The following AKNAD1 variants were observed in gnomAD, a reference collection of about 807,000 sequenced individuals.
AKNAD1 encodes the protein protein AKNAD1.
Under a neutral mutation model 90.8 loss-of-function variants are expected in AKNAD1, and 67 were observed. The ratio of observed to expected loss-of-function variants is 0.74; its 90% CI spans 0.61 to 0.90. The LOEUF (loss-of-function observed/expected upper bound fraction) is 0.90, where lower values mean the gene tolerates loss of function less well. Ranked by LOEUF, AKNAD1 falls within the 40% of genes least tolerant of loss-of-function variation. The probability of loss-of-function intolerance (pLI) is 0.00; values close to 1 mark genes in which losing one functional copy is unlikely to be tolerated. For synonymous variants in AKNAD1, 327 were observed against 341.4 expected (o/e 0.96, Z 0.46); for missense variants, 957 against 975.4 (o/e 0.98, Z 0.25).
intron 5 of AKNAD1, among the ~76,000 whole-genome samples, chr1:108,847,456 A>C (rs1471169935): frequency 1.3e-5 from 2 of 151,856 alleles, no homozygotes; most frequent in Non-Finnish European, 2.9e-5. Flanking sequence ...TCAAAAAAAA[A>C]AAAACAAAAA....
intron 6 of AKNAD1, among the ~76,000 whole-genome samples, chr1:108,841,637 T>C (rs972502678): frequency 6.6e-6 from 1 of 152,184 alleles, no homozygotes; most frequent in African/African-American, 2.4e-5. Flanking sequence ...ATTTGCAGAA[T>C]TCTTGCCCCT....
Position 108,834,985 on chromosome 1 carries a change from G to A in AKNAD1, c.1608C>T (p.Pro536=), listed in dbSNP as rs746242546. 2.9e-5 allele frequency: 46 copies of A among 1,563,708 alleles called. 1 individual carries two copies. Among genetic ancestry groups the A allele is most frequent in the Non-Finnish European group, 4.0e-5 (46 of 1,162,996 alleles). ...GSGGSEVTGT[P]QGGPQEAPNE... ...TGGGGGCCTCCTGCGGCCCTCCTTGGGGTGTCCCTGTTACCTCACTCCCAC... is the reference window on the plus strand; with the variant it reads ...TGGGGGCCTCCTGCGGCCCTCCTTGAGGTGTCCCTGTTACCTCACTCCCAC... Residue 536 remains proline, a synonymous_variant, in exon 8 of 16, where the codon CCC becomes CCT. Coordinates refer to ENST00000370001, the MANE Select transcript of AKNAD1 (RefSeq NM_152763.5).
chr1:108,827,942 T>A lies in AKNAD1; in HGVS notation c.1839-640A>T, dbSNP rs1156812773. 4.0e-5 allele frequency among the ~76,000 whole-genome samples: 6 copies of A among 150,842 alleles called. No homozygotes were observed. The Admixed American group carries it at 4.0e-4, about 10-fold the overall frequency. ...AAGTATGGAATTATAAAATTTGGAG[T>A]TTTCCTCATGCATCAAAATCCATTC... On this transcript the variant is annotated intron_variant, in intron 10 of 15. Transcript: ENST00000370001.
intron 13 of AKNAD1, among the ~76,000 whole-genome samples, chr1:108,822,072 G>A (rs1417278660): frequency 6.6e-6 from 1 of 152,048 alleles, no homozygotes; most frequent in Non-Finnish European, 1.5e-5. Context: ...GCACTAATGA[G>A]CTCAATCTTG....
In AKNAD1 at chr1:108,816,871, A is replaced by G. The variant is rs1306239491; in HGVS notation, c.2379+177T>C. Reference sequence around the variant, plus strand: ...CTTGGAACCAATTTAGAATAATACAAACCTTGCGACTGCTGAGGCTGTGTG... The same window carrying G: ...CTTGGAACCAATTTAGAATAATACAGACCTTGCGACTGCTGAGGCTGTGTG... On this transcript the variant is annotated intron_variant, in intron 15 of 15. Coordinates refer to ENST00000370001, the MANE Select transcript of AKNAD1 (RefSeq NM_152763.5). The G allele has an allele frequency of 4.6e-6, 3 of 657,504 alleles. No homozygotes were observed. In the South Asian group the frequency reaches 6.3e-5, roughly 14 times the overall value. The allele number at this position is 657,504 out of a possible 1,614,324, so 40.7% of individuals were successfully genotyped here.
At chr1:108,831,714 G>GCTCACTGCAACCTCCGC (rs374645772) in intron 9 of AKNAD1, among the ~76,000 whole-genome samples, 22,460 of 149,476 alleles carry the variant, frequency 0.15, 1,967 homozygotes, top group African/African-American at 0.25. Context: ...CCTAATCTCA[G>GCTCACTGCAACCTCCGC]CTCCCGGGTT....
chr1:108,837,591 G>A lies in AKNAD1; in HGVS notation c.1495C>T (p.Leu499=). The change falls in exon 7 of 16, where the codon CTG becomes TTG. Residue 499 remains leucine, a synonymous_variant. Transcript: ENST00000370001. ...PSLPVSSPVT[L]DDLASTFSSL... is the part of the protein sequence containing the mutation. ...GAGAAGGTGGAGGCCAAGTCATCCAGGGTAACTGGAGAACTCACAGGAAGG... is the reference window on the plus strand; with the variant it reads ...GAGAAGGTGGAGGCCAAGTCATCCAAGGTAACTGGAGAACTCACAGGAAGG... 6.2e-7 allele frequency: 1 copy of A among 1,614,076 alleles called. No individual in the cohort carries two copies. Among genetic ancestry groups the A allele is most frequent in the Non-Finnish European group, 8.5e-7 (1 of 1,180,004 alleles).
At chr1:108,817,307 C>T in intron 14 of AKNAD1, 130 bp from the exon 15 acceptor site, 1 of 1,167,364 alleles carries the variant, frequency 8.6e-7, no homozygotes, top group Non-Finnish European at 1.2e-6. Flanking sequence ...ACCCGCTGCC[C>T]TCCTAGCTCT....
At position 108,843,344 on chromosome 1, in the gene AKNAD1, G is replaced by T. The variant is rs535878288; in HGVS notation, c.1246-77C>A. On this transcript the variant is annotated intron_variant, in intron 5 of 15. Transcript: ENST00000370001. Reference sequence around the variant, plus strand: ...TTGTTTTCCCAAAAACACAAAGCAGGTGTACCCTACAGTAGTGTCAAAACA... The same window carrying T: ...TTGTTTTCCCAAAAACACAAAGCAGTTGTACCCTACAGTAGTGTCAAAACA... 6.3e-5 allele frequency: 99 copies of T among 1,565,432 alleles called. No homozygotes were observed. In the African/African-American group the frequency reaches 1.2e-3, roughly 18 times the overall value.
At chr1:108,841,144 G>T (rs1456417638) in intron 6 of AKNAD1, among the ~76,000 whole-genome samples, 11 of 152,024 alleles carry the variant, frequency 7.2e-5, no homozygotes, top group African/African-American at 2.4e-4. Flanking sequence ...CTGCACTCCA[G>T]CCTGGGCAAC....
rs1309255942 is a variant in AKNAD1, at chr1:108,852,207, G to T, written c.458C>A (p.Ser153Ter). 2 of 1,613,282 alleles carry T rather than the reference G, an allele frequency of 1.2e-6. No homozygotes were observed. Among genetic ancestry groups the T allele is most frequent in the Admixed American group, 3.3e-5 (2 of 59,878 alleles). ...TGGCCAAGAATTCTTATTATAACATGAAATAATACTTTTAATAATAGCTTC... is the reference window on the plus strand; with the variant it reads ...TGGCCAAGAATTCTTATTATAACATTAAATAATACTTTTAATAATAGCTTC... ...EEEAIIKSIISCYNKNSWPKE... is the reference protein window; with the variant it reads ...EEEAIIKSII The change falls in exon 2 of 16, where the codon TCA (serine) becomes TAA (stop). Residue 153 changes from serine to a stop codon, truncating the protein, a stop_gained. Coordinates refer to ENST00000370001, the MANE Select transcript of AKNAD1 (RefSeq NM_152763.5). LOFTEE classifies it high-confidence loss of function.
intron 1 of AKNAD1, among the ~76,000 whole-genome samples, chr1:108,853,413 G>C (rs559722456): frequency 1.3e-5 from 2 of 151,524 alleles, no homozygotes; most frequent in South Asian, 4.2e-4. Context: ...TTACAGGCGT[G>C]AGCCACCGCG....
chr1:108,822,887 T>C (rs868057482), intron 13 of AKNAD1, among the ~76,000 whole-genome samples: 6 of 152,340 alleles, frequency 3.9e-5, no homozygotes, highest in African/African-American at 7.2e-5. Flanking sequence ...TCTTTTTAAA[T>C]ATGTGTTTGT....
intron 6 of AKNAD1, among the ~76,000 whole-genome samples, chr1:108,841,684 CTT>C (rs757971185): frequency 2.2e-4 from 34 of 152,160 alleles, no homozygotes; most frequent in Non-Finnish European, 2.6e-4. Flanking sequence ...GGACTCAACA[CTT>C]ATAAGGTTCT....
At chr1:108,820,183 C>T (rs1663767561) in intron 14 of AKNAD1, among the ~76,000 whole-genome samples, 3 of 152,130 alleles carry the variant, frequency 2.0e-5, no homozygotes, top group Admixed American at 2.0e-4. Flanking sequence ...CTTGCTAGTT[C>T]GTTCATACTT....
At chr1:108,855,741 A>G (rs67912092) in intron 1 of AKNAD1, among the ~76,000 whole-genome samples, 22,618 of 151,976 alleles carry the variant, frequency 0.15, 1,734 homozygotes, top group Middle Eastern at 0.2. Flanking sequence ...AGCCGAGATC[A>G]TGCCGCTGTA....
At chr1:108,850,654 G>GAA (rs940377301) in intron 2 of AKNAD1, among the ~76,000 whole-genome samples, 6 of 151,722 alleles carry the variant, frequency 4.0e-5, no homozygotes, top group African/African-American at 1.5e-4. Flanking sequence ...GAGAGAGAGA[G>GAA]AAAAATCACT....
intron 7 of AKNAD1, among the ~76,000 whole-genome samples, chr1:108,835,627 A>ATT (rs200186739): frequency 1.6e-4 from 23 of 145,180 alleles, no homozygotes; most frequent in Admixed American, 4.1e-4. Context: ...TGTTAATTTA[A>ATT]TTTTTTTTTT....
chr1:108,832,191 T>A (rs1375503772), intron 9 of AKNAD1, among the ~76,000 whole-genome samples: 1 of 150,998 alleles, frequency 6.6e-6, no homozygotes, highest in Non-Finnish European at 1.5e-5. Flanking sequence ...CTTTTACCTA[T>A]CTGACTGGTA....
Sources: allele counts gnomAD v4.1 joint callset (sites outside exome capture counted in the v4.1 genomes callset), GRCh38; gene constraint gnomAD v4.1.1; transcripts MANE v1.5; gene names NCBI Gene and HGNC (gene_info 2026-07-23, HGNC 2026-07-21).